DLG2: variants seen among roughly 807,000 people sequenced by gnomAD.
DLG2 encodes the protein disks large homolog 2.
A neutral mutation model predicts 132.5 loss-of-function variants in DLG2; 45 were observed. That is an observed-to-expected ratio of 0.34 (90% confidence interval 0.27 to 0.44). The LOEUF is 0.44. DLG2 is among the 20% of genes least tolerant of loss of function. DLG2 has a pLI of 1.00. For missense variants in DLG2, 1,045 were observed against 1,196.9 expected (o/e 0.87, Z 1.87); for synonymous variants, 424 against 419.6 (o/e 1.01, Z -0.13).
chr11:84,596,514 C>T (rs2099558673), intron 6 of DLG2, among the ~76,000 whole-genome samples: 1 of 151,614 alleles, frequency 6.6e-6, no homozygotes, highest in Non-Finnish European at 1.5e-5. Context: ...TGAGCTATTG[C>T]ACCCAGCCTA....
At chr11:84,945,168 C>T (rs2050039234) in intron 6 of DLG2, among the ~76,000 whole-genome samples, 1 of 152,312 alleles carries the variant, frequency 6.6e-6, no homozygotes, top group South Asian at 2.1e-4. Context: ...CTTATTTGTA[C>T]ACATCCTTCT....
At chr11:84,516,119 T>C (rs2099272100) in intron 7 of DLG2, among the ~76,000 whole-genome samples, 2 of 124,574 alleles carry the variant, frequency 1.6e-5, no homozygotes, top group Admixed American at 1.5e-4. Context: ...GCAATAAATG[T>C]CTACATCAAA....
intron 17 of DLG2, among the ~76,000 whole-genome samples, chr11:83,805,952 A>G (rs2045801362): frequency 1.3e-5 from 2 of 152,148 alleles, no homozygotes. Context: ...AGAATGCTAG[A>G]GTTCAATGTC....
chr11:83,726,925 TCTAAGACA>T (rs2090120903), intron 18 of DLG2, among the ~76,000 whole-genome samples: 2 of 152,162 alleles, frequency 1.3e-5, no homozygotes, highest in Admixed American at 1.3e-4. Flanking sequence ...GCCTGTTGCA[TCTAAGACA>T]GGTGTCTTAC....
intron 6 of DLG2, among the ~76,000 whole-genome samples, chr11:85,090,942 C>A (rs2068663796): frequency 6.6e-6 from 1 of 152,176 alleles, no homozygotes; most frequent in Non-Finnish European, 1.5e-5. Flanking sequence ...GGGGAGCCAG[C>A]ATGCACAGAG....
chr11:83,787,637 T>C (rs2040396103), intron 17 of DLG2, among the ~76,000 whole-genome samples: 1 of 152,176 alleles, frequency 6.6e-6, no homozygotes, highest in Non-Finnish European at 1.5e-5. Flanking sequence ...TTTTAAAATA[T>C]ATACTTGACT....
At chr11:84,601,793 T>C (rs1041423035) in intron 6 of DLG2, among the ~76,000 whole-genome samples, 2 of 152,106 alleles carry the variant, frequency 1.3e-5, no homozygotes, top group African/African-American at 4.8e-5. Context: ...TAATCATGAC[T>C]ATAGATAGAA....
At chr11:85,374,205 T>A (rs527838555) in intron 3 of DLG2, among the ~76,000 whole-genome samples, 3 of 152,280 alleles carry the variant, frequency 2.0e-5, no homozygotes, top group Admixed American at 2.0e-4. Flanking sequence ...TAAAAACTGA[T>A]AATTCTTAGC....
At chr11:85,456,111 T>A (rs558265580) in intron 3 of DLG2, among the ~76,000 whole-genome samples, 38 of 152,280 alleles carry the variant, frequency 2.5e-4, no homozygotes, top group African/African-American at 8.9e-4. Context: ...GTCCTGGGCT[T>A]TTTTTGGTAG....
intron 6 of DLG2, among the ~76,000 whole-genome samples, chr11:84,832,813 C>T (rs527997596): frequency 6.6e-6 from 1 of 151,560 alleles, no homozygotes; most frequent in South Asian, 2.1e-4. Context: ...AAAGCAATTC[C>T]CCCCTCCGCC....
At chr11:83,892,321 C>T (rs889206251) in intron 15 of DLG2, among the ~76,000 whole-genome samples, 3 of 152,256 alleles carry the variant, frequency 2.0e-5, no homozygotes, top group African/African-American at 4.8e-5. Context: ...AATAAGTTAG[C>T]GCTTTCCTCT....
At position 84,571,300 on chromosome 11, in the gene DLG2, C is replaced by A. The variant is rs1031370491; in HGVS notation, c.358-36569G>T. ...TGTTTTTCTTCCTCTTCATTTCCAT[C>A]TCTTTCTCCATCCCTATCTCCTTTC... On this transcript the variant is annotated intron_variant, in intron 6 of 27. Transcript: ENST00000376104. 2.0e-5 allele frequency among the ~76,000 whole-genome samples: 3 copies of A among 151,696 alleles called. No individual in the cohort carries two copies. The East Asian group carries it at 5.8e-4, about 29-fold the overall frequency.
At position 83,930,450 on chromosome 11, in the gene DLG2, T is replaced by C. The variant is rs2079942766; in HGVS notation, c.1374A>G (p.Lys458=). ...TGGGAGAAGCAGGCTTATCACATAGTTTGTTCACAGTGCTGTAAACAGGTT... is the reference window on the plus strand; with the variant it reads ...TGGGAGAAGCAGGCTTATCACATAGCTTGTTCACAGTGCTGTAAACAGGTT... The part of the protein sequence containing the change: ...PPEPVYSTVN[K]LCDKPASPRH... The change falls in exon 15 of 28, where the codon AAA becomes AAG. Residue 458 remains lysine (K), a synonymous_variant. Transcript: ENST00000376104. 1.2e-6 allele frequency: 2 copies of C among 1,613,930 alleles called. No homozygotes were observed. The highest frequency in any genetic ancestry group is 2.7e-5 in the African/African-American group (2 of 74,914).
At chr11:84,848,208 T>A (rs1393587984) in intron 6 of DLG2, among the ~76,000 whole-genome samples, 1 of 152,012 alleles carries the variant, frequency 6.6e-6, no homozygotes, top group Non-Finnish European at 1.5e-5. Context: ...TAAAAGCCAG[T>A]GACGGCCTGG....
chr11:84,050,011 ACAGGGCAGCTCACCTGCAT>A (rs1645058276), intron 11 of DLG2, among the ~76,000 whole-genome samples: 1 of 151,766 alleles, frequency 6.6e-6, no homozygotes, highest in African/African-American at 2.4e-5. Context: ...GAAATGGTAC[ACAGGGCAGCTCACCTGCAT>A]CAGGAGAGAT....
chr11:84,021,030 G>T (rs1409373938), intron 11 of DLG2, among the ~76,000 whole-genome samples: 1 of 152,106 alleles, frequency 6.6e-6, no homozygotes, highest in Non-Finnish European at 1.5e-5. Flanking sequence ...TATAGAAAGG[G>T]TATAGAAAGT....
intron 11 of DLG2, among the ~76,000 whole-genome samples, chr11:84,039,388 G>T: frequency 9.0e-6 from 1 of 110,726 alleles, no homozygotes; most frequent in African/African-American, 3.7e-5. Flanking sequence ...CCCCACAACA[G>T]TCCCCAGAGT....
At chr11:84,013,587 A>T (rs1315759739) in intron 11 of DLG2, among the ~76,000 whole-genome samples, 1 of 151,970 alleles carries the variant, frequency 6.6e-6, no homozygotes, top group Non-Finnish European at 1.5e-5. Flanking sequence ...AGAAGTCTCC[A>T]GCTGGGCGTG....
chr11:84,591,702 A>G (rs1317413436), intron 6 of DLG2, among the ~76,000 whole-genome samples: 1 of 151,922 alleles, frequency 6.6e-6, no homozygotes, highest in Non-Finnish European at 1.5e-5. Flanking sequence ...AAAAGAAAGA[A>G]CTAACAGCTT....
Sources: allele counts gnomAD v4.1 joint callset (sites outside exome capture counted in the v4.1 genomes callset), GRCh38; gene constraint gnomAD v4.1.1; transcripts MANE v1.5; gene names NCBI Gene and HGNC (gene_info 2026-07-23, HGNC 2026-07-21).